Variants in LFNG observed in about 807,000 individuals in gnomAD.
The protein encoded by LFNG is LFNG O-fucosylpeptide 3-beta-N-acetylglucosaminyltransferase.
A neutral mutation model predicts 32.7 loss-of-function variants in LFNG; 15 were observed. The ratio of observed to expected loss-of-function variants is 0.46; its 90% CI spans 0.31 to 0.71. LFNG has a LOEUF of 0.71. LFNG is among the 30% of genes least tolerant of loss of function. The probability of loss-of-function intolerance (pLI) is 0.06; values close to 1 mark genes in which losing one functional copy is unlikely to be tolerated. For synonymous variants in LFNG, 274 were observed against 246.8 expected, an observed-to-expected ratio of 1.11 and a Z score of -1.03; for missense variants, 520 against 545.7, an observed-to-expected ratio of 0.95 and a Z score of 0.47.
Position 2,524,907 on chromosome 7 carries a change from C to T in LFNG, c.481+164C>T, listed in dbSNP as rs547548474. ...TCCATGCCCCGCCCCACCACTCGGGCCCCCCAATTCTCATGCAAATGAAGC... is the reference window on the plus strand; with the variant it reads ...TCCATGCCCCGCCCCACCACTCGGGTCCCCCAATTCTCATGCAAATGAAGC... On this transcript the variant is annotated intron_variant, in intron 2 of 7. Transcript: ENST00000222725. Among the ~76,000 whole-genome samples the T allele has an allele frequency of 2.0e-5, 3 of 152,340 alleles. 1 individual carries two copies. In the South Asian group the frequency reaches 6.2e-4, roughly 32 times the overall value.
In LFNG at chr7:2,527,419, G is replaced by C; in HGVS notation, c.*207G>C. ...GCTCTGTGGAGGGGCGGGCACCAGC[G>C]CCACTTATGTGCCTCTGCTCCGAGG... is the stretch of plus-strand genomic sequence containing the variant. On this transcript the variant is annotated 3_prime_UTR_variant, in exon 8 of 8. Transcript: ENST00000222725. The surrounding 1 kb of genome is among the most constrained non-coding windows in gnomAD (Gnocchi z 4.4). 4 of 1,457,272 alleles carry C rather than the reference G, an allele frequency of 2.7e-6. No homozygotes were observed. The highest frequency in any genetic ancestry group is 3.6e-6 in the Non-Finnish European group (4 of 1,104,296). The allele number at this position is 1,457,272 out of a possible 1,614,324, so 90.3% of individuals were successfully genotyped here.
chr7:2,519,040 C>T (rs943117620), upstream of LFNG, among the ~76,000 whole-genome samples: 3 of 152,180 alleles, frequency 2.0e-5, no homozygotes, highest in Non-Finnish European at 2.9e-5. Flanking sequence ...GGCCTTTCAT[C>T]CGGCGAGGGA....
intron 3 of LFNG, 25 bp from the exon 4 acceptor site, chr7:2,525,389 C>G: frequency 6.2e-7 from 1 of 1,612,692 alleles, no homozygotes; most frequent in Non-Finnish European, 8.5e-7. Context: ...CATGCCCTCC[C>G]CCGATGGCCC....
chr7:2,526,471 G>C lies in LFNG; in HGVS notation c.987+62G>C, dbSNP rs143360919. The C allele has an allele frequency of 1.3e-6, 2 of 1,572,536 alleles. No individual in the cohort carries two copies. The highest frequency in any genetic ancestry group is 1.7e-6 in the Non-Finnish European group (2 of 1,156,912). ...GCACAGGAAGGGACGTGTGGCTGCCGAGAGGGGCGCAGTGGGGTGGGGCAC... is the reference window on the plus strand; with the variant it reads ...GCACAGGAAGGGACGTGTGGCTGCCCAGAGGGGCGCAGTGGGGTGGGGCAC... On this transcript the variant is annotated intron_variant, in intron 6 of 7. Coordinates refer to ENST00000222725, the MANE Select transcript of LFNG (RefSeq NM_001040167.2). This position sits in a 1 kb window ranked among gnomAD's most constrained non-coding sequence, Gnocchi z 6.9.
chr7:2,526,155 G>C lies in LFNG; in HGVS notation c.822-89G>C. ...TCCTCAGGGCTCCTCTCCCTGAGGA[G>C]TGCAGCGCCTTTGCCTGGTGGGGCC... On this transcript the variant is annotated intron_variant, in intron 5 of 7. Transcript: ENST00000222725. This position sits in a 1 kb window ranked among gnomAD's most constrained non-coding sequence, Gnocchi z 6.9. 7.0e-7 allele frequency: 1 copy of C among 1,437,574 alleles called. No individual in the cohort carries two copies. Among genetic ancestry groups the C allele is most frequent in the Admixed American group, 1.7e-5 (1 of 58,194 alleles). The allele number at this position is 1,437,574 out of a possible 1,614,324, so 89.1% of individuals were successfully genotyped here. A position where few individuals can be genotyped will look rare whatever the true frequency, so the allele number is the denominator to read the frequency against.
intron 1 of LFNG, among the ~76,000 whole-genome samples, chr7:2,524,039 C>T (rs1030965364): frequency 7.9e-5 from 12 of 152,160 alleles, no homozygotes; most frequent in East Asian, 1.9e-4. Context: ...TAATGGGCGG[C>T]GCGGCCACTC....
upstream of LFNG, among the ~76,000 whole-genome samples, chr7:2,519,675 C>T (rs1191729866): frequency 6.7e-6 from 1 of 149,322 alleles, no homozygotes; most frequent in Non-Finnish European, 1.5e-5. Flanking sequence ...GGAGCGGCGA[C>T]CGGCGCGAGG....
At chr7:2,512,714 G>T in intron 1 of LFNG, 1 of 1,613,392 alleles carries the variant, frequency 6.2e-7, no homozygotes, top group South Asian at 1.1e-5. Context: ...GGGCCTCAGG[G>T]TTGCTTTTCC....
In LFNG at chr7:2,520,086, C is replaced by T. The variant is rs1047044671; in HGVS notation, c.225C>T (p.Ser75=). The change falls in exon 1 of 8, where the codon TCC becomes TCT. Residue 75 remains serine (S), a synonymous_variant. Coordinates refer to ENST00000222725, the MANE Select transcript of LFNG (RefSeq NM_001040167.2). The surrounding 1 kb of genome is among the most constrained non-coding windows in gnomAD (Gnocchi z 5.0). ...GALVRDVHSL[S]EYFSLLTRAR... The stretch of plus-strand genomic sequence containing the variant: ...TGGTCCGCGACGTGCACAGTCTGTC[C>T]GAGTACTTCAGCCTGCTCACCCGCG... 19 of 1,318,166 alleles carry T rather than the reference C, an allele frequency of 1.4e-5. No homozygotes were observed. The highest frequency in any genetic ancestry group is 2.9e-5 in the Admixed American group (1 of 34,738). The allele number at this position is 1,318,166 out of a possible 1,614,324, so 81.7% of individuals were successfully genotyped here. A position where few individuals can be genotyped will look rare whatever the true frequency, so the allele number is the denominator to read the frequency against.
upstream of LFNG, chr7:2,513,201 G>A: frequency 6.2e-7 from 1 of 1,613,830 alleles, no homozygotes; most frequent in Non-Finnish European, 8.5e-7. Context: ...GGAAGGCTGT[G>A]GGATGAGCAC....
upstream of LFNG, chr7:2,513,259 G>T (rs1183959776): frequency 6.2e-7 from 1 of 1,613,046 alleles, no homozygotes; most frequent in Non-Finnish European, 8.5e-7. Context: ...ATGGATGGAT[G>T]GATGGATGGA....
chr7:2,522,869 C>T (rs564043537), intron 1 of LFNG, among the ~76,000 whole-genome samples: 2 of 152,344 alleles, frequency 1.3e-5, no homozygotes, highest in South Asian at 2.1e-4. Context: ...CTCTGTTATG[C>T]CCATTTTACT....
At chr7:2,522,895 G>T (rs1026473141) in intron 1 of LFNG, among the ~76,000 whole-genome samples, 11 of 152,230 alleles carry the variant, frequency 7.2e-5, no homozygotes, top group African/African-American at 2.4e-4. Flanking sequence ...CGAGACTGAG[G>T]CTCTGAGCGG....
upstream of LFNG, among the ~76,000 whole-genome samples, chr7:2,517,295 C>T (rs1479007976): frequency 2.6e-5 from 4 of 152,210 alleles, no homozygotes; most frequent in African/African-American, 7.2e-5. Context: ...CCAAAGCCTG[C>T]GGCCCCCACA....
intron 1 of LFNG, chr7:2,523,784 T>G (rs1302716701): frequency 6.6e-6 from 1 of 152,304 alleles, no homozygotes; most frequent in Non-Finnish European, 1.5e-5. Flanking sequence ...GCATGGGTAC[T>G]GGGGGCCCCT....
downstream of LFNG, chr7:2,528,489 G>A (rs762358556): frequency 2.2e-4 from 204 of 934,640 alleles, no homozygotes; most frequent in Non-Finnish European, 2.5e-4. Flanking sequence ...GCCAGGGTCA[G>A]GAGAGGCACA....
chr7:2,520,158 C>T lies in LFNG; in HGVS notation c.297C>T (p.Ala99=), dbSNP rs1327010793. The change falls in exon 1 of 8, where the codon GCC becomes GCT. Residue 99 remains alanine (A), a synonymous_variant. Coordinates refer to ENST00000222725, the MANE Select transcript of LFNG (RefSeq NM_001040167.2). The surrounding 1 kb of genome is among the most constrained non-coding windows in gnomAD (Gnocchi z 5.0). The part of the protein sequence containing the change: ...GPPPGAAPRP[A]DGHPRPLAEP... Reference sequence around the variant, plus strand: ...CGCCCGGGGCTGCCCCCCGCCCCGCCGACGGCCACCCGCGCCCCCTGGCCG... The same window carrying T: ...CGCCCGGGGCTGCCCCCCGCCCCGCTGACGGCCACCCGCGCCCCCTGGCCG... The T allele has an allele frequency of 2.7e-6, 4 of 1,476,386 alleles. No homozygotes were observed. The highest frequency in any genetic ancestry group is 2.3e-5 in the Admixed American group (1 of 42,596). 91.5% of individuals were successfully genotyped at this position (1,476,386 alleles called of 1,614,324 possible).
At chr7:2,528,678 G>A (rs1397124054), downstream of LFNG, among the ~76,000 whole-genome samples, 2 of 152,216 alleles carry the variant, frequency 1.3e-5, no homozygotes, top group African/African-American at 4.8e-5. Flanking sequence ...GCTTCCAGGA[G>A]GAACAGGTCT....
upstream of LFNG, chr7:2,513,016 T>C (rs1013072062): frequency 6.3e-6 from 5 of 789,082 alleles, no homozygotes; most frequent in African/African-American, 1.7e-5. Context: ...GTCACCATCT[T>C]TTCCTGGAAG....
Sources: gnomAD v4.1 joint callset for allele counts (sites outside exome capture counted in the v4.1 genomes callset) on GRCh38, gnomAD v4.1.1 for gene constraint, Gnocchi (gnomAD v3.1) non-coding constraint, MANE v1.5 for transcripts, NCBI Gene and HGNC (gene_info 2026-07-23, HGNC 2026-07-21) for gene names.